The following CDC42 variants were observed in gnomAD, a reference collection of about 807,000 sequenced individuals.
CDC42 encodes cell division cycle 42.
A neutral mutation model predicts 20.8 loss-of-function variants in CDC42; 1 was observed. The observed-to-expected ratio is 0.05, with a 90% CI of 0.02 to 0.23. The LOEUF is 0.23. Among genes scored for constraint, CDC42 ranks in the 10% least tolerant of loss-of-function variants. The pLI is 1.00. For synonymous variants in CDC42, 72 were observed against 84.8 expected (o/e 0.85, Z 0.83); for missense variants, 49 against 227.9 (o/e 0.21, Z 5.05).
chr1:22,087,869 A>G (rs923273793), intron 5 of CDC42, among the ~76,000 whole-genome samples: 1 of 152,226 alleles, frequency 6.6e-6, no homozygotes, highest in Non-Finnish European at 1.5e-5. Flanking sequence ...TTACATATGC[A>G]CTAGGTATTT....
intron 1 of CDC42, among the ~76,000 whole-genome samples, chr1:22,070,729 G>A (rs1031694989): frequency 6.6e-6 from 1 of 152,022 alleles, no homozygotes; most frequent in Admixed American, 6.6e-5. Flanking sequence ...CTTCCAAAAT[G>A]CTGGGATTAC....
intron 3 of CDC42, among the ~76,000 whole-genome samples, chr1:22,085,245 A>AAAAAGT (rs1645650325): frequency 8.0e-4 from 1 of 1,252 alleles, no homozygotes; most frequent in Non-Finnish European, 1.4e-3. Flanking sequence ...AAAAAAAAAA[A>AAAAAGT]AAAGAAAAAT....
chr1:22,099,824 G>T lies in CDC42; in HGVS notation c.*8307G>T, dbSNP rs1170636083. Among the ~76,000 whole-genome samples the T allele has an allele frequency of 6.6e-6, 1 of 152,060 alleles. No homozygotes were observed. The highest frequency in any genetic ancestry group is 6.6e-5 in the Admixed American group (1 of 15,264). ...ATGGCACTCTTTTAAGCCTTTGTGT[G>T]AATTAACTCAGTCTTCTCAGCAATC... On this transcript the variant is annotated 3_prime_UTR_variant, in exon 6 of 6. Transcript: ENST00000656825.
rs965443172 is a variant in CDC42, at chr1:22,091,673, A to G, written c.*156A>G. The G allele has an allele frequency of 7.1e-6, 3 of 421,806 alleles. No homozygotes were observed. Among genetic ancestry groups the G allele is most frequent in the Non-Finnish European group, 1.3e-5 (3 of 235,886 alleles). The allele number at this position is 421,806 out of a possible 1,614,324, so 26.1% of individuals were successfully genotyped here. On this transcript the variant is annotated 3_prime_UTR_variant, in exon 6 of 6. Coordinates refer to ENST00000656825, the MANE Select transcript of CDC42 (RefSeq NM_001791.4). ...TGCACTCGTGTGAGACAAGGCCCAT[A>G]GGTATGGCCCCCCCCTTCCCCCTCC...
At chr1:22,090,730 G>C (rs1645707514) in intron 5 of CDC42, 39 of 984,948 alleles carry the variant, frequency 4.0e-5, no homozygotes, top group Non-Finnish European at 3.9e-5. Flanking sequence ...TCCTGCTTCT[G>C]ATTTTATTGT....
intron 1 of CDC42, among the ~76,000 whole-genome samples, chr1:22,072,701 C>T (rs540310589): frequency 3.9e-5 from 6 of 152,190 alleles, no homozygotes; most frequent in African/African-American, 9.6e-5. Flanking sequence ...TCCCTTCCAC[C>T]GCCACCCTGT....
intron 3 of CDC42, among the ~76,000 whole-genome samples, chr1:22,082,875 A>ATTTTTTTTTTTTTTTTTTTTTTTTTTTTT (rs3036839): frequency 7.1e-6 from 1 of 140,212 alleles, no homozygotes; most frequent in African/African-American, 2.7e-5. Context: ...CACAGAGAAA[A>ATTTTTTTTTTTTTTTTTTTTTTTTTTTTT]TTTTTATTTT....
chr1:22,054,767 A>T (rs907484732), intron 1 of CDC42, among the ~76,000 whole-genome samples: 45 of 151,404 alleles, frequency 3.0e-4, no homozygotes, highest in African/African-American at 1.1e-3. Context: ...CCTTGATGTA[A>T]TATTTTAGGC....
chr1:22,072,888 CTAT>C (rs1645507507), intron 1 of CDC42, among the ~76,000 whole-genome samples: 1 of 152,114 alleles, frequency 6.6e-6, no homozygotes, highest in Admixed American at 6.5e-5. Context: ...TTCACAGTTA[CTAT>C]TAATACTTGA....
chr1:22,064,197 C>CA (rs546482419), intron 1 of CDC42: 12 of 151,318 alleles, frequency 7.9e-5, no homozygotes, highest in Admixed American at 5.9e-4. Flanking sequence ...ATTAAAAAAA[C>CA]AAAAAAACAA....
At chr1:22,090,566 G>A (rs1645705649) in intron 5 of CDC42, 1 of 986,644 alleles carries the variant, frequency 1.0e-6, no homozygotes, top group Non-Finnish European at 1.2e-6. Flanking sequence ...TGCTGTAGTG[G>A]AGTATTTGTC....
At chr1:22,060,805 A>C (rs1039034343) in intron 1 of CDC42, among the ~76,000 whole-genome samples, 4 of 152,224 alleles carry the variant, frequency 2.6e-5, no homozygotes, top group African/African-American at 9.6e-5. Context: ...TTGCCTAAAA[A>C]ACATTTTTAT....
intron 5 of CDC42, among the ~76,000 whole-genome samples, chr1:22,089,406 TG>T (rs2124047564): frequency 6.6e-6 from 1 of 152,282 alleles, no homozygotes; most frequent in East Asian, 1.9e-4. Flanking sequence ...GGTGGTTACT[TG>T]CTCTAATAAC....
rs1363150544 is a variant in CDC42, at chr1:22,099,502, T to C, written c.*7985T>C. On this transcript the variant is annotated 3_prime_UTR_variant, in exon 6 of 6. Coordinates refer to ENST00000656825, the MANE Select transcript of CDC42 (RefSeq NM_001791.4). ...GATTTTGGAAACTGTGTGCTTACCATTACATATCTTATGTGGAAATAAAAT... is the reference window on the plus strand; with the variant it reads ...GATTTTGGAAACTGTGTGCTTACCACTACATATCTTATGTGGAAATAAAAT... Among the ~76,000 whole-genome samples the C allele has an allele frequency of 6.6e-6, 1 of 152,226 alleles. No individual in the cohort carries two copies. The highest frequency in any genetic ancestry group is 2.4e-5 in the African/African-American group (1 of 41,464).
chr1:22,057,458 C>T (rs1267894126), intron 1 of CDC42, among the ~76,000 whole-genome samples: 1 of 152,192 alleles, frequency 6.6e-6, no homozygotes, highest in Non-Finnish European at 1.5e-5. Flanking sequence ...GATCTCGGCT[C>T]ACCGCAACCT....
intron 5 of CDC42, chr1:22,090,190 G>A (rs1645701995): frequency 2.3e-6 from 3 of 1,308,220 alleles, no homozygotes; most frequent in Non-Finnish European, 2.9e-6. Flanking sequence ...GATCAAGAAT[G>A]CAATATCATA....
At chr1:22,064,532 C>G (rs555972612) in intron 1 of CDC42, among the ~76,000 whole-genome samples, 3 of 152,280 alleles carry the variant, frequency 2.0e-5, no homozygotes, top group Admixed American at 1.3e-4. Flanking sequence ...CTCAGAAGAT[C>G]TGCCTGCCTC....
intron 1 of CDC42, among the ~76,000 whole-genome samples, chr1:22,076,126 A>G (rs951659500): frequency 6.6e-6 from 1 of 151,998 alleles, no homozygotes; most frequent in African/African-American, 2.4e-5. Context: ...TATTAATGTC[A>G]CTTCTCAGAC....
At chr1:22,055,582 C>T (rs1645296215) in intron 1 of CDC42, among the ~76,000 whole-genome samples, 1 of 151,704 alleles carries the variant, frequency 6.6e-6, no homozygotes, top group South Asian at 2.1e-4. Flanking sequence ...CTCGGCCTCC[C>T]AGGCTCAACT....
Sources: allele counts gnomAD v4.1 joint callset (sites outside exome capture counted in the v4.1 genomes callset), GRCh38; gene constraint gnomAD v4.1.1; transcripts MANE v1.5; gene names NCBI Gene and HGNC (gene_info 2026-07-23, HGNC 2026-07-21).